The following NNMT variants were observed in gnomAD, a reference collection of about 807,000 sequenced individuals.
The protein encoded by NNMT is nicotinamide N-methyltransferase.
In NNMT, 10 loss-of-function variants were observed where a neutral mutation model predicts 11.7. The ratio of observed to expected loss-of-function variants is 0.85; its 90% CI spans 0.53 to 1.45. The LOEUF is 1.45. Ranked by LOEUF, NNMT falls within the 40% of genes most tolerant of loss-of-function variation. The probability of loss-of-function intolerance (pLI) is 0.00; values close to 1 mark genes in which losing one functional copy is unlikely to be tolerated. For synonymous variants in NNMT, 143 were observed against 133.8 expected (o/e 1.07, Z -0.48); for missense variants, 381 against 319.4 (o/e 1.19, Z -1.47).
chr11:114,280,168 G>C lies in NNMT; in HGVS notation c.-129-16260G>C, dbSNP rs541768394. ...CTCTCATTCTAGTTGGGAAGGGAAG[G>C]GAAGGCAGACAATGAGAAAATAAAC... On this transcript the variant is annotated intron_variant, in intron 2 of 4. Transcript: ENST00000535401. 2.6e-5 allele frequency among the ~76,000 whole-genome samples: 4 copies of C among 152,174 alleles called. No homozygotes were observed. The South Asian group carries it at 6.2e-4, about 24-fold the overall frequency.
At chr11:114,308,522 C>A (rs903293116) in intron 2 of NNMT, among the ~76,000 whole-genome samples, 1 of 152,154 alleles carries the variant, frequency 6.6e-6, no homozygotes, top group Non-Finnish European at 1.5e-5. Context: ...GCCTCCCTCC[C>A]TTCCTCCCCA....
upstream of NNMT, among the ~76,000 whole-genome samples, chr11:114,294,464 TGA>T (rs1945357786): frequency 9.3e-6 from 1 of 107,712 alleles, no homozygotes; most frequent in South Asian, 3.3e-4. Context: ...GGTGACAGAG[TGA>T]GACTCCACAT....
chr11:114,264,931 G>A (rs1294297852), intron 2 of NNMT, among the ~76,000 whole-genome samples: 1 of 152,232 alleles, frequency 6.6e-6, no homozygotes, highest in Non-Finnish European at 1.5e-5. Context: ...GGATGTGGCA[G>A]TCTGGAAGCT....
intron 2 of NNMT, among the ~76,000 whole-genome samples, chr11:114,281,630 G>C (rs1369673642): frequency 6.6e-6 from 1 of 152,192 alleles, no homozygotes; most frequent in East Asian, 1.9e-4. Context: ...CAGTGTGTTT[G>C]AGAAAGTTCC....
At chr11:114,308,102 A>T (rs1565728953) in intron 2 of NNMT, among the ~76,000 whole-genome samples, 1 of 152,132 alleles carries the variant, frequency 6.6e-6, no homozygotes, top group Non-Finnish European at 1.5e-5. Context: ...TAGAGGTTCA[A>T]AACATATTTG....
At chr11:114,288,800 C>A (rs1945316019) in intron 2 of NNMT, among the ~76,000 whole-genome samples, 1 of 152,070 alleles carries the variant, frequency 6.6e-6, no homozygotes, top group African/African-American at 2.4e-5. Context: ...AAATAGTAAG[C>A]ACCATATACA....
chr11:114,283,851 T>C (rs968980506), intron 2 of NNMT, among the ~76,000 whole-genome samples: 2 of 152,244 alleles, frequency 1.3e-5, no homozygotes, highest in Non-Finnish European at 2.9e-5. Context: ...TAACATCTTT[T>C]ACCCTGAACA....
chr11:114,309,018 C>G (rs548453079), intron 2 of NNMT, among the ~76,000 whole-genome samples: 1 of 152,134 alleles, frequency 6.6e-6, no homozygotes, highest in African/African-American at 2.4e-5. Context: ...TAGCTTAATA[C>G]GCAATAGGGC....
intron 2 of NNMT, among the ~76,000 whole-genome samples, chr11:114,266,064 TC>T (rs1945117368): frequency 6.6e-6 from 1 of 152,116 alleles, no homozygotes; most frequent in South Asian, 2.1e-4. Flanking sequence ...CAGGTAGCTT[TC>T]CTATATCCAA....
intron 1 of NNMT, chr11:114,297,306 T>TA (rs898906081): frequency 2.0e-5 from 3 of 152,002 alleles, no homozygotes; most frequent in Admixed American, 1.3e-4. Context: ...GATTGGGGAA[T>TA]AAAAAATGAA....
intron 2 of NNMT, among the ~76,000 whole-genome samples, chr11:114,279,337 G>C (rs1018752073): frequency 5.3e-5 from 8 of 152,190 alleles, no homozygotes; most frequent in Non-Finnish European, 1.2e-4. Context: ...CTAATACAAG[G>C]GGATGATGGG....
intron 2 of NNMT, among the ~76,000 whole-genome samples, chr11:114,309,872 C>G (rs769168052): frequency 6.6e-6 from 1 of 152,336 alleles, no homozygotes; most frequent in African/African-American, 2.4e-5. Context: ...TAAATGGAAT[C>G]ATACAATATG....
intron 2 of NNMT, among the ~76,000 whole-genome samples, chr11:114,282,912 T>C (rs1945272357): frequency 1.3e-5 from 2 of 152,248 alleles, no homozygotes; most frequent in Non-Finnish European, 2.9e-5. Context: ...TCACTGATAC[T>C]GATATGCATG....
intron 2 of NNMT, among the ~76,000 whole-genome samples, chr11:114,307,427 AC>A (rs1379535092): frequency 4.6e-5 from 7 of 151,842 alleles, no homozygotes; most frequent in Non-Finnish European, 1.0e-4. Context: ...TTCCTCTGTA[AC>A]CCATTTCTTC....
At chr11:114,289,346 G>A (rs577075334) in intron 2 of NNMT, among the ~76,000 whole-genome samples, 2 of 152,172 alleles carry the variant, frequency 1.3e-5, no homozygotes, top group South Asian at 4.1e-4. Context: ...CCAACTTTTG[G>A]ACCTGTTGAT....
intron 2 of NNMT, among the ~76,000 whole-genome samples, chr11:114,268,233 C>G (rs1304728004): frequency 6.6e-6 from 1 of 152,220 alleles, no homozygotes; most frequent in Non-Finnish European, 1.5e-5. Flanking sequence ...TTTCCTCTTA[C>G]AGGGTCCCTA....
chr11:114,270,920 A>G (rs964267628), intron 2 of NNMT, among the ~76,000 whole-genome samples: 2 of 151,988 alleles, frequency 1.3e-5, no homozygotes, highest in African/African-American at 4.8e-5. Flanking sequence ...GATCAAAAGC[A>G]TGCACCACCA....
Position 114,312,218 on chromosome 11 carries a change from CG to C in NNMT, c.537del (p.Leu180SerfsTer8), listed in dbSNP as rs776316482. On this transcript the variant is annotated frameshift_variant, in exon 3 of 3. Coordinates refer to ENST00000299964, the MANE Select transcript of NNMT (RefSeq NM_006169.3). LOFTEE classifies it low-confidence loss of function (END_TRUNC). ...CCAGACCTCCCCACCTACTGCAGGG[CG>C]CTCAGGAACCTCGGCAGCCTACTGA... is the stretch of plus-strand genomic sequence containing the variant. ...ACPDLPTYCR[A>X]LRNLGSLLKP... The C allele has an allele frequency of 3.0e-5, 48 of 1,614,082 alleles. No individual in the cohort carries two copies. Among genetic ancestry groups the C allele is most frequent in the African/African-American group, 5.3e-5 (4 of 74,942 alleles).
chr11:114,272,022 G>A (rs1383778701), intron 2 of NNMT, among the ~76,000 whole-genome samples: 1 of 152,102 alleles, frequency 6.6e-6, no homozygotes, highest in Non-Finnish European at 1.5e-5. Flanking sequence ...GAAGGTTCAG[G>A]AAACTTCCTT....
Sources: allele counts gnomAD v4.1 joint callset (sites outside exome capture counted in the v4.1 genomes callset), GRCh38; gene constraint gnomAD v4.1.1; transcripts MANE v1.5; gene names NCBI Gene and HGNC (gene_info 2026-07-23, HGNC 2026-07-21).